The following PDGFC variants were observed in gnomAD, a reference collection of about 807,000 sequenced individuals.
The protein encoded by PDGFC is platelet-derived growth factor C.
In PDGFC, 12 loss-of-function variants were observed where a neutral mutation model predicts 35.5. The ratio of observed to expected loss-of-function variants is 0.34; its 90% CI spans 0.22 to 0.55. PDGFC has a LOEUF of 0.55. PDGFC is among the 20% of genes least tolerant of loss of function. The pLI is 0.91. For synonymous variants in PDGFC, 159 were observed against 148.8 expected (o/e 1.07, Z -0.50); for missense variants, 322 against 412.4 (o/e 0.78, Z 1.90).
At chr4:156,938,159 A>G (rs1375046167) in intron 1 of PDGFC, among the ~76,000 whole-genome samples, 1 of 152,124 alleles carries the variant, frequency 6.6e-6, no homozygotes, top group African/African-American at 2.4e-5. Flanking sequence ...ACACATACAT[A>G]ACATACTAGG....
intron 4 of PDGFC, among the ~76,000 whole-genome samples, chr4:156,769,255 T>C (rs1730628214): frequency 1.3e-5 from 2 of 151,970 alleles, no homozygotes; most frequent in Non-Finnish European, 1.5e-5. Flanking sequence ...AATCACGATG[T>C]AATCCAATTT....
intron 3 of PDGFC, among the ~76,000 whole-genome samples, chr4:156,776,273 G>T (rs1730826199): frequency 6.6e-6 from 1 of 152,058 alleles, no homozygotes; most frequent in Non-Finnish European, 1.5e-5. Flanking sequence ...CTTATGATTG[G>T]GCTGTTAAAC....
At chr4:156,896,460 G>A (rs1730635551) in intron 1 of PDGFC, among the ~76,000 whole-genome samples, 1 of 152,106 alleles carries the variant, frequency 6.6e-6, no homozygotes, top group Non-Finnish European at 1.5e-5. Flanking sequence ...CAGCTTTAAA[G>A]GTTAGACTGA....
In PDGFC at chr4:156,877,678, C is replaced by T. The variant is rs184447970; in HGVS notation, c.119-27262G>A. ...AAGTGAAGCAAAATATACTACTTTA[C>T]ATTTTTATTTAATAAAATCTAAATG... On this transcript the variant is annotated intron_variant, in intron 1 of 5. Transcript: ENST00000502773. Among the ~76,000 whole-genome samples the T allele has an allele frequency of 1.9e-3, 284 of 152,260 alleles. 1 individual carries two copies. The highest frequency in any genetic ancestry group is 6.5e-3 in the African/African-American group (272 of 41,564).
intron 3 of PDGFC, among the ~76,000 whole-genome samples, chr4:156,809,579 C>T (rs1369819029): frequency 1.3e-5 from 2 of 151,754 alleles, no homozygotes; most frequent in Non-Finnish European, 1.5e-5. Flanking sequence ...CTATAAATAC[C>T]ATACATATAC....
At chr4:156,860,826 C>A (rs1258454983) in intron 1 of PDGFC, among the ~76,000 whole-genome samples, 3 of 152,036 alleles carry the variant, frequency 2.0e-5, no homozygotes, top group Non-Finnish European at 4.4e-5. Context: ...TATCATACTG[C>A]AACTTTTGAT....
rs373237696 is a variant in PDGFC, at chr4:156,864,582, T to C, written c.119-14166A>G. On this transcript the variant is annotated intron_variant, in intron 1 of 5. Transcript: ENST00000502773. ...TCCCCTCCTCACCACAATTCCAAGA[T>C]GAAAACTTTTTTTAGATGGCCTTTT... is the stretch of plus-strand genomic sequence containing the variant. Among the ~76,000 whole-genome samples the C allele has an allele frequency of 1.4e-4, 22 of 152,296 alleles. No individual in the cohort carries two copies. The South Asian group carries it at 4.1e-3, about 29-fold the overall frequency.
chr4:156,854,362 T>A (rs1442556068), intron 1 of PDGFC, among the ~76,000 whole-genome samples: 1 of 152,196 alleles, frequency 6.6e-6, no homozygotes, highest in African/African-American at 2.4e-5. Context: ...CTAAAATATA[T>A]ATACTTAAGT....
intron 3 of PDGFC, among the ~76,000 whole-genome samples, chr4:156,787,106 T>A (rs1731149457): frequency 6.6e-6 from 1 of 152,190 alleles, no homozygotes; most frequent in African/African-American, 2.4e-5. Context: ...GATTGTCAAA[T>A]GAATGTTATT....
At chr4:156,854,919 GA>G (rs920464728) in intron 1 of PDGFC, among the ~76,000 whole-genome samples, 1 of 151,824 alleles carries the variant, frequency 6.6e-6, no homozygotes, top group Admixed American at 6.6e-5. Flanking sequence ...AGCTTGACAT[GA>G]AAAATGAAAA....
chr4:156,811,953 A>G (rs762444502), intron 2 of PDGFC, among the ~76,000 whole-genome samples: 1 of 152,104 alleles, frequency 6.6e-6, no homozygotes, highest in Non-Finnish European at 1.5e-5. Context: ...ATGCCTTTCA[A>G]ATATTTCACT....
At chr4:156,882,294 C>T (rs147479072) in intron 1 of PDGFC, among the ~76,000 whole-genome samples, 1 of 152,154 alleles carries the variant, frequency 6.6e-6, no homozygotes, top group East Asian at 1.9e-4. Context: ...AATGCTCTGA[C>T]CGAAGTATTT....
At chr4:156,960,735 C>T (rs866682210) in intron 1 of PDGFC, among the ~76,000 whole-genome samples, 1 of 151,910 alleles carries the variant, frequency 6.6e-6, no homozygotes, top group Non-Finnish European at 1.5e-5. Context: ...AACTTTTTCC[C>T]TTGTTTTTAG....
chr4:156,822,894 C>T (rs1316994550), intron 2 of PDGFC, among the ~76,000 whole-genome samples: 4 of 152,030 alleles, frequency 2.6e-5, no homozygotes, highest in African/African-American at 4.8e-5. Flanking sequence ...CTCAGCCTCC[C>T]GAGTAGCTGG....
intron 2 of PDGFC, among the ~76,000 whole-genome samples, chr4:156,817,073 C>T (rs1225264077): frequency 6.6e-6 from 1 of 151,872 alleles, no homozygotes; most frequent in Non-Finnish European, 1.5e-5. Flanking sequence ...TCTCATGAAA[C>T]CATGAAGAGT....
chr4:156,763,228 C>G lies in PDGFC; in HGVS notation c.922-22G>C, dbSNP rs751407899. 6 of 1,254,638 alleles carry G rather than the reference C, an allele frequency of 4.8e-6. No homozygotes were observed. In the South Asian group the frequency reaches 6.0e-5, roughly 12 times the overall value. 77.7% of individuals were successfully genotyped at this position (1,254,638 alleles called of 1,614,324 possible). The stretch of plus-strand genomic sequence containing the variant: ...GGACCTGAAAGGGAATAAGAGTAAG[C>G]CACTTTTAAAAATCAACGAATGTCT... On this transcript the variant is annotated intron_variant, in intron 5 of 5. Coordinates refer to ENST00000502773, the MANE Select transcript of PDGFC (RefSeq NM_016205.3).
At chr4:156,785,564 T>C (rs895327676) in intron 3 of PDGFC, among the ~76,000 whole-genome samples, 45 of 152,068 alleles carry the variant, frequency 3.0e-4, no homozygotes, top group Admixed American at 2.9e-3. Flanking sequence ...CAATCTGATA[T>C]GCAAGGAATC....
chr4:156,802,215 A>G lies in PDGFC; in HGVS notation c.495+8622T>C, dbSNP rs148996862. On this transcript the variant is annotated intron_variant, in intron 3 of 5. Transcript: ENST00000502773. ...GTTAACTTTGGCAACATAAACTTCT[A>G]AATTGATTGAGATCAGTCTCACATA... Among the ~76,000 whole-genome samples the G allele has an allele frequency of 2.1e-3, 327 of 152,236 alleles. 1 individual carries two copies. The highest frequency in any genetic ancestry group is 4.5e-3 in the Admixed American group (69 of 15,272).
chr4:156,943,526 A>G (rs944646668), intron 1 of PDGFC, among the ~76,000 whole-genome samples: 5 of 152,206 alleles, frequency 3.3e-5, no homozygotes, highest in African/African-American at 7.2e-5. Context: ...AAGCACCACT[A>G]TAAGTGCACA....
Sources: allele counts gnomAD v4.1 joint callset (sites outside exome capture counted in the v4.1 genomes callset), GRCh38; gene constraint gnomAD v4.1.1; transcripts MANE v1.5; gene names NCBI Gene and HGNC (gene_info 2026-07-23, HGNC 2026-07-21).